The following AJUBA variants were observed in gnomAD, a reference collection of about 807,000 sequenced individuals.
AJUBA encodes LIM domain-containing protein ajuba.
In AJUBA, 20 loss-of-function variants were observed where a neutral mutation model predicts 53.3. The observed-to-expected ratio is 0.38, with a 90% CI of 0.26 to 0.55. The LOEUF is 0.55. Among genes scored for constraint, AJUBA ranks in the 20% least tolerant of loss-of-function variants. The probability of loss-of-function intolerance (pLI) is 0.80; values close to 1 mark genes in which losing one functional copy is unlikely to be tolerated. For synonymous variants in AJUBA, 296 were observed against 306.2 expected, an observed-to-expected ratio of 0.97 and a Z score of 0.35; for missense variants, 580 against 730.5, an observed-to-expected ratio of 0.79 and a Z score of 2.38.
At position 22,974,392 on chromosome 14, in the gene AJUBA, C is replaced by T. The variant is rs141461311; in HGVS notation, c.1423-277G>A. ...AGGAAGCAAAGGGAAGGGAAGGGGA[C>T]AGGAGGCCTAAATAAAGTAGGCTAG... On this transcript the variant is annotated intron_variant, in intron 6 of 7. Coordinates refer to ENST00000262713, the MANE Select transcript of AJUBA (RefSeq NM_032876.6). Among the ~76,000 whole-genome samples the T allele has an allele frequency of 1.6e-3, 242 of 152,328 alleles. 2 individuals carry two copies. Among genetic ancestry groups the T allele is most frequent in the Admixed American group, 0.013 (199 of 15,290 alleles).
chr14:22,976,568 T>C (rs776069536), intron 3 of AJUBA, 50 bp from the exon 4 acceptor site: 27 of 1,613,192 alleles, frequency 1.7e-5, no homozygotes, highest in Non-Finnish European at 2.3e-5. Flanking sequence ...CTGAGAATGA[T>C]GGGTGGTACT....
chr14:22,977,306 G>T, intron 2 of AJUBA: 1 of 680,638 alleles, frequency 1.5e-6, no homozygotes, highest in Non-Finnish European at 1.8e-6. Context: ...TAAGCTTAGA[G>T]GGACCCAGAG....
chr14:22,981,265 G>A lies in AJUBA; in HGVS notation c.1002C>T (p.Tyr334=). The change falls in exon 1 of 8, where the codon TAC becomes TAT. Residue 334 remains tyrosine, a synonymous_variant. Coordinates refer to ENST00000262713, the MANE Select transcript of AJUBA (RefSeq NM_032876.6). ...RMREPEARED[Y]FGTCIKCNKG... Reference sequence around the variant, plus strand: ...CTAACCACTTCTCTCACTCACCGAAGTAGTCCTCCCTGGCCTCTGGCTCCC... The same window carrying A: ...CTAACCACTTCTCTCACTCACCGAAATAGTCCTCCCTGGCCTCTGGCTCCC... 1 of 1,604,138 alleles carries A rather than the reference G, an allele frequency of 6.2e-7. No individual in the cohort carries two copies. Among genetic ancestry groups the A allele is most frequent in the South Asian group, 1.1e-5 (1 of 90,344 alleles).
At position 22,978,429 on chromosome 14, in the gene AJUBA, G is replaced by A. The variant is rs951712053; in HGVS notation, c.1023C>T (p.Cys341=). The A allele has an allele frequency of 5.0e-6, 8 of 1,612,948 alleles. No individual in the cohort carries two copies. The highest frequency in any genetic ancestry group is 6.8e-6 in the Non-Finnish European group (8 of 1,179,136). Residue 341 remains cysteine (C), a synonymous_variant, in exon 2 of 8, where the codon TGC becomes TGT. Transcript: ENST00000262713. ...REDYFGTCIK[C]NKGIYGQSNA... ...TGCTCTGCCCATAGATGCCTTTGTT[G>A]CACTTGATACAGGTGCCTGAGAAGA...
At position 22,979,858 on chromosome 14, in the gene AJUBA, C is replaced by T. The variant is rs2045071169; in HGVS notation, c.1006+1403G>A. ...GGCTCTGATGGTTCAGCCAAAAAGA[C>T]TTCTTTACTAGCCACCTCTCCTGGG... On this transcript the variant is annotated intron_variant, in intron 1 of 7. Transcript: ENST00000262713. This position sits in a 1 kb window ranked among gnomAD's most constrained non-coding sequence, Gnocchi z 4.0. 6.6e-6 allele frequency among the ~76,000 whole-genome samples: 1 copy of T among 152,106 alleles called. No homozygotes were observed. The highest frequency in any genetic ancestry group is 6.5e-5 in the Admixed American group (1 of 15,270).
chr14:22,980,608 C>A, intron 1 of AJUBA: 1 of 985,394 alleles, frequency 1.0e-6, no homozygotes, highest in Non-Finnish European at 1.2e-6. Context: ...CGCACCTAGC[C>A]AACAGGACTG....
intron 7 of AJUBA, 33 bp from the exon 8 acceptor site, chr14:22,973,601 T>G: frequency 6.2e-7 from 1 of 1,612,642 alleles, no homozygotes; most frequent in Non-Finnish European, 8.5e-7. Context: ...CACCTCAGCC[T>G]AGGCACCTTG....
chr14:22,982,325 G>T lies in AJUBA; in HGVS notation c.-59C>A. On this transcript the variant is annotated 5_prime_UTR_variant, in exon 1 of 8. Coordinates refer to ENST00000262713, the MANE Select transcript of AJUBA (RefSeq NM_032876.6). ...GCCTGGCACCCTGCGGCGTCTCGGC[G>T]GCCGGTTCTCTTTCCCTGCAGCCGG... is the stretch of plus-strand genomic sequence containing the variant. 2 of 1,591,346 alleles carry T rather than the reference G, an allele frequency of 1.3e-6. No individual in the cohort carries two copies. The highest frequency in any genetic ancestry group is 1.1e-5 in the South Asian group (1 of 88,964).
chr14:22,981,042 G>A lies in AJUBA; in HGVS notation c.1006+219C>T, dbSNP rs116079389. Among the ~76,000 whole-genome samples, 1,309 of 152,210 alleles carry A rather than the reference G, an allele frequency of 8.6e-3. 19 individuals carry two copies. The highest frequency in any genetic ancestry group is 0.03 in the African/African-American group (1,237 of 41,514). On this transcript the variant is annotated intron_variant, in intron 1 of 7. Coordinates refer to ENST00000262713, the MANE Select transcript of AJUBA (RefSeq NM_032876.6). ...GAAACGGACTCACGAGATACCAGGG[G>A]GGTTGAATTTAGCAGAAATAAGGAG...
intron 1 of AJUBA, chr14:22,980,779 G>C: frequency 1.5e-6 from 1 of 672,416 alleles, no homozygotes; most frequent in Non-Finnish European, 1.8e-6. Context: ...CGGGCACCTG[G>C]AGCGCCCGGG....
In AJUBA at chr14:22,981,496, C is replaced by A; in HGVS notation, c.771G>T (p.Ala257=). The change falls in exon 1 of 8, where the codon GCG becomes GCT. Residue 257 remains alanine, a synonymous_variant. Transcript: ENST00000262713. The part of the protein sequence containing the change: ...GAAGPLERRG[A]QPGRHSVTGY... ...CGGTCACAGAGTGTCGTCCGGGTTG[C>A]GCCCCCCGTCTCTCCAAGGGCCCCG... 3 of 1,590,166 alleles carry A rather than the reference C, an allele frequency of 1.9e-6. No homozygotes were observed. Among genetic ancestry groups the A allele is most frequent in the Non-Finnish European group, 2.6e-6 (3 of 1,170,834 alleles).
chr14:22,981,788 T>A lies in AJUBA; in HGVS notation c.479A>T (p.Asn160Ile). 1 of 1,534,296 alleles carries A rather than the reference T, an allele frequency of 6.5e-7. No individual in the cohort carries two copies. The change falls in exon 1 of 8, where the codon AAT becomes ATT. Residue 160 changes from asparagine (N) to isoleucine (I), a missense_variant. Coordinates refer to ENST00000262713, the MANE Select transcript of AJUBA (RefSeq NM_032876.6). ...GGAGGSRPCSNRTSGISMGYD... is the reference protein window; with the variant it reads ...GGAGGSRPCSIRTSGISMGYD... The stretch of plus-strand genomic sequence containing the variant: ...GCCCATGCTGATGCCGCTGGTGCGA[T>A]TGCTGCAGGGCCGGCTACCTCCAGC...
chr14:22,975,180 C>A, intron 4 of AJUBA, 76 bp from the exon 5 acceptor site: 1 of 1,553,282 alleles, frequency 6.4e-7, no homozygotes, highest in African/African-American at 1.3e-5. Flanking sequence ...CTCCTTATTA[C>A]TCCCATTAAC....
Position 22,976,652 on chromosome 14 carries a change from T to C in AJUBA, c.1169A>G (p.Asp390Gly). The change falls in exon 3 of 8, where the codon GAT (aspartate) becomes GGT (glycine). Residue 390 changes from aspartate to glycine, a missense_variant. Transcript: ENST00000262713. ...CAGGTGACCCTTACTCACCAGATAA[T>C]CTTCCTCACAGTACACAGAGCCATT... ...SVNGSVYCEE[D>G]YLFSGFQEAA... The C allele has an allele frequency of 6.2e-7, 1 of 1,613,844 alleles. No homozygotes were observed. Among genetic ancestry groups the C allele is most frequent in the Non-Finnish European group, 8.5e-7 (1 of 1,179,968 alleles).
rs2045020965 is a variant in AJUBA at position 22,974,956 on chromosome 14, C to T, written c.1370+18G>A. On this transcript the variant is annotated intron_variant, in intron 5 of 7. Coordinates refer to ENST00000262713, the MANE Select transcript of AJUBA (RefSeq NM_032876.6). ...CCCTGGACCCAGTTCCACACTGCAT[C>T]CCAAGGGGCAGACTCACTTGTGGTA... is the stretch of plus-strand genomic sequence containing the variant. The T allele has an allele frequency of 6.2e-7, 1 of 1,613,974 alleles. No homozygotes were observed. The highest frequency in any genetic ancestry group is 1.1e-5 in the South Asian group (1 of 91,066).
rs1234288855 is a variant in AJUBA at position 22,972,327 on chromosome 14, G to C, written c.*1116C>G. On this transcript the variant is annotated 3_prime_UTR_variant, in exon 8 of 8. Coordinates refer to ENST00000262713, the MANE Select transcript of AJUBA (RefSeq NM_032876.6). ...CAAGTGTACAAGTGACCTGAGAAGA[G>C]AGTAAGAAAGAGTGAGAGAGAGACA... 2 of 115,116 alleles carry C rather than the reference G, an allele frequency of 1.7e-5. No homozygotes were observed. Among genetic ancestry groups the C allele is most frequent in the African/African-American group, 8.7e-5 (2 of 23,086 alleles). The allele number at this position is 115,116 out of a possible 1,614,324, so 7.1% of individuals were successfully genotyped here. A position where few individuals can be genotyped will look rare whatever the true frequency, so the allele number is the denominator to read the frequency against.
chr14:22,976,541 C>T (rs376549211), intron 3 of AJUBA, 23 bp from the exon 4 acceptor site: 25 of 1,613,836 alleles, frequency 1.5e-5, no homozygotes, highest in East Asian at 6.7e-5. Flanking sequence ...ACAAGACGAA[C>T]GGAGGCTGTT....
intron 7 of AJUBA, 94 bp downstream of exon 7, chr14:22,973,953 C>G (rs1424634708): frequency 7.0e-7 from 1 of 1,430,060 alleles, no homozygotes; most frequent in Non-Finnish European, 9.9e-7. Context: ...ATGCCCTACA[C>G]CTCTCCCATA....
intron 4 of AJUBA, 74 bp from the exon 5 acceptor site, chr14:22,975,178 T>G: frequency 6.4e-7 from 1 of 1,558,884 alleles, no homozygotes; most frequent in Non-Finnish European, 8.7e-7. Context: ...TGCTCCTTAT[T>G]ACTCCCATTA....
Sources: gnomAD v4.1 joint callset for allele counts (sites outside exome capture counted in the v4.1 genomes callset) on GRCh38, gnomAD v4.1.1 for gene constraint, Gnocchi (gnomAD v3.1) non-coding constraint, MANE v1.5 for transcripts, NCBI Gene and HGNC (gene_info 2026-07-23, HGNC 2026-07-21) for gene names.